The following GFOD1 variants were observed in gnomAD, a reference collection of about 807,000 sequenced individuals.
GFOD1 encodes Gfo/Idh/MocA-like oxidoreductase domain containing 1, also known as glucose-fructose oxidoreductase domain-containing protein 1.
Under a neutral mutation model 25.4 loss-of-function variants are expected in GFOD1, and 9 were observed. That is an observed-to-expected ratio of 0.35 (90% CI 0.21 to 0.62). GFOD1 has a LOEUF of 0.62. Ranked by LOEUF, GFOD1 falls within the 20% of genes least tolerant of loss-of-function variation. The pLI is 0.72. For synonymous variants in GFOD1, 253 were observed against 245.6 expected (o/e 1.03, Z -0.28); for missense variants, 403 against 556.9 (o/e 0.72, Z 2.78).
intron 1 of GFOD1, among the ~76,000 whole-genome samples, chr6:13,403,972 T>C (rs915319814): frequency 3.9e-5 from 6 of 152,214 alleles, no homozygotes; most frequent in Admixed American, 1.3e-4. Flanking sequence ...TGTGAATACA[T>C]GGCATTTTTG....
At chr6:13,470,500 G>A (rs561153244) in intron 1 of GFOD1, 31 of 1,549,960 alleles carry the variant, frequency 2.0e-5, no homozygotes, top group South Asian at 7.1e-5. Flanking sequence ...GAGCAGCATC[G>A]TGGGGGGTAA....
Position 13,486,707 on chromosome 6 carries a change from G to A in GFOD1, c.184C>T (p.Gln62Ter). 6.2e-7 allele frequency: 1 copy of A among 1,614,072 alleles called. No homozygotes were observed. ...TSRIDEVLLH[Q>*]DVDLVCINLP... is the part of the protein sequence containing the mutation. ...TTAATGCACACCAAGTCCACGTCCT[G>A]ATGCAGCAGCACCTCATCAATGCGG... is the stretch of plus-strand genomic sequence containing the variant. Residue 62 changes from glutamine (Q) to a stop codon, truncating the protein, a stop_gained, in exon 1 of 2, where the codon CAG (glutamine) becomes TAG (stop). Transcript: ENST00000379287. LOFTEE classifies it high-confidence loss of function.
At chr6:13,469,255 C>T (rs776620767) in intron 1 of GFOD1, 47 of 985,422 alleles carry the variant, frequency 4.8e-5, no homozygotes, top group Non-Finnish European at 1.4e-5. Context: ...TGGAGGAATA[C>T]ATCACACTCG....
intron 1 of GFOD1, among the ~76,000 whole-genome samples, chr6:13,371,773 G>T (rs1454539658): frequency 6.6e-6 from 1 of 152,190 alleles, no homozygotes; most frequent in Non-Finnish European, 1.5e-5. Flanking sequence ...GGTATGATGG[G>T]TGAGGGTCAC....
intron 1 of GFOD1, among the ~76,000 whole-genome samples, chr6:13,370,079 G>T (rs774368742): frequency 6.6e-6 from 1 of 152,148 alleles, no homozygotes; most frequent in Non-Finnish European, 1.5e-5. Flanking sequence ...AATGGAAAAA[G>T]GGTCCTCCAA....
intron 1 of GFOD1, among the ~76,000 whole-genome samples, chr6:13,408,440 T>C (rs478804): frequency 0.57 from 87,131 of 152,098 alleles, 28,791 homozygotes; most frequent in Non-Finnish European, 0.73. Context: ...GCTTTTCTAC[T>C]GATGGCTGCT....
intron 1 of GFOD1, among the ~76,000 whole-genome samples, chr6:13,435,053 G>A (rs1757812406): frequency 6.6e-6 from 1 of 152,202 alleles, no homozygotes; most frequent in South Asian, 2.1e-4. Flanking sequence ...AGCACATTCT[G>A]TGCTATACTC....
At position 13,469,936 on chromosome 6, in the gene GFOD1, C is replaced by T. The variant is rs781697135; in HGVS notation, c.253+16702G>A. 1.4e-5 allele frequency: 18 copies of T among 1,304,938 alleles called. 1 individual carries two copies. In the South Asian group the frequency reaches 2.1e-4, roughly 15 times the overall value. 80.8% of individuals were successfully genotyped at this position (1,304,938 alleles called of 1,614,324 possible). A position where few individuals can be genotyped will look rare whatever the true frequency, so the allele number is the denominator to read the frequency against. On this transcript the variant is annotated intron_variant, in intron 1 of 1. Coordinates refer to ENST00000379287, the MANE Select transcript of GFOD1 (RefSeq NM_018988.4). ...AGAATGCTAGTTTCTCTTCTCTTTC[C>T]AAAAGTGATGAGTAGGTTCTGGATA...
intron 1 of GFOD1, among the ~76,000 whole-genome samples, chr6:13,436,545 T>C (rs1267630354): frequency 6.6e-6 from 1 of 152,260 alleles, no homozygotes; most frequent in Non-Finnish European, 1.5e-5. Flanking sequence ...GGCTGCATAA[T>C]AGTGTGTTGT....
rs1395482087 is a variant in GFOD1 at position 13,359,650 on chromosome 6, T to TA, written c.*5092dup. On this transcript the variant is annotated 3_prime_UTR_variant, in exon 2 of 2. Transcript: ENST00000379287. ...ATTCAAGACATAATTGAATTTATTT[T>TA]AAAAAATGGATTTCCCGGCTGGGCA... is the stretch of plus-strand genomic sequence containing the variant. 1 of 152,166 alleles carries TA rather than the reference T, an allele frequency of 6.6e-6. No individual in the cohort carries two copies. The highest frequency in any genetic ancestry group is 1.5e-5 in the Non-Finnish European group (1 of 68,032). The allele number at this position is 152,166 out of a possible 1,614,324, so 9.4% of individuals were successfully genotyped here.
At chr6:13,409,479 A>G (rs563836349) in intron 1 of GFOD1, among the ~76,000 whole-genome samples, 3 of 152,202 alleles carry the variant, frequency 2.0e-5, no homozygotes, top group Non-Finnish European at 2.9e-5. Context: ...CCATCATGAG[A>G]TTAGGGGACT....
chr6:13,392,497 G>C (rs919951068), intron 1 of GFOD1, among the ~76,000 whole-genome samples: 2 of 151,880 alleles, frequency 1.3e-5, no homozygotes, highest in African/African-American at 4.8e-5. Context: ...CTGGTTGGCA[G>C]TATTGAAAAG....
chr6:13,443,039 G>C (rs189781566), intron 1 of GFOD1, among the ~76,000 whole-genome samples: 2 of 152,318 alleles, frequency 1.3e-5, no homozygotes, highest in Admixed American at 1.3e-4. Flanking sequence ...AGTGATTCAA[G>C]GGAAGAGGTC....
chr6:13,370,126 C>T (rs1310358437), intron 1 of GFOD1, among the ~76,000 whole-genome samples: 1 of 152,216 alleles, frequency 6.6e-6, no homozygotes, highest in African/African-American at 2.4e-5. Flanking sequence ...CTCTCATGGG[C>T]CCATCCCAGT....
chr6:13,475,746 TAATAATAA>T (rs1370790175), intron 1 of GFOD1, among the ~76,000 whole-genome samples: 2,363 of 145,290 alleles, frequency 0.016, 47 homozygotes, highest in African/African-American at 0.053. Context: ...ATAATAATAA[TAATAATAA>T]TAATAATAAT....
chr6:13,366,517 G>A (rs1015026791), intron 1 of GFOD1, among the ~76,000 whole-genome samples: 1 of 152,114 alleles, frequency 6.6e-6, no homozygotes, highest in African/African-American at 2.4e-5. Flanking sequence ...TGTATTTTTA[G>A]TAGAGATGGG....
At chr6:13,414,191 C>T (rs1341663517) in intron 1 of GFOD1, among the ~76,000 whole-genome samples, 1 of 152,156 alleles carries the variant, frequency 6.6e-6, no homozygotes, top group Non-Finnish European at 1.5e-5. Flanking sequence ...AGCTAGGTAC[C>T]CTGGGGAAAC....
At chr6:13,375,388 G>A (rs1340859928) in intron 1 of GFOD1, among the ~76,000 whole-genome samples, 1 of 152,202 alleles carries the variant, frequency 6.6e-6, no homozygotes, top group African/African-American at 2.4e-5. Flanking sequence ...ACAATCATGC[G>A]ACTGACTGCA....
At chr6:13,465,830 A>C (rs557229221) in intron 1 of GFOD1, among the ~76,000 whole-genome samples, 1 of 152,354 alleles carries the variant, frequency 6.6e-6, no homozygotes, top group South Asian at 2.1e-4. Context: ...TTAAGGAAAG[A>C]GGAAAAAGAT....
Sources: allele counts gnomAD v4.1 joint callset (sites outside exome capture counted in the v4.1 genomes callset), GRCh38; gene constraint gnomAD v4.1.1; transcripts MANE v1.5; gene names NCBI Gene and HGNC (gene_info 2026-07-23, HGNC 2026-07-21).